Variants in ALS2 observed in about 807,000 individuals in gnomAD.
The protein encoded by ALS2 is alsin.
In ALS2, 117 loss-of-function variants were observed where a neutral mutation model predicts 203.4. The observed-to-expected ratio is 0.58, with a 90% CI of 0.50 to 0.67. The LOEUF (loss-of-function observed/expected upper bound fraction) is 0.67, where lower values mean the gene tolerates loss of function less well. Ranked by LOEUF, ALS2 falls within the 30% of genes least tolerant of loss-of-function variation. ALS2 has a pLI of 0.00. For synonymous variants in ALS2, 718 were observed against 725.9 expected (o/e 0.99, Z 0.17); for missense variants, 1,715 against 1,989.4 (o/e 0.86, Z 2.62).
At chr2:201,763,197 G>A in intron 3 of ALS2, 1 of 207,190 alleles carries the variant, frequency 4.8e-6, no homozygotes, top group Non-Finnish European at 9.6e-6. Flanking sequence ...GTGCACAGAG[G>A]CTACTGGGGG....
chr2:201,758,446 A>G (rs1390275942), intron 4 of ALS2, among the ~76,000 whole-genome samples: 1 of 152,196 alleles, frequency 6.6e-6, no homozygotes, highest in Non-Finnish European at 1.5e-5. Context: ...CAAATGTGGT[A>G]GGTTAATAAT....
rs955753684 is a variant in ALS2, at chr2:201,724,375, C to T, written c.3432G>A (p.Thr1144=). The part of the protein sequence containing the change: ...GHGLLRSGKL[T]SSSPSMFIGQ... Reference sequence around the variant, plus strand: ...CAATGAACATACTAGGAGAAGAGGACGTCAATTTCCCACTTCGTAGAAGAC... The same window carrying T: ...CAATGAACATACTAGGAGAAGAGGATGTCAATTTCCCACTTCGTAGAAGAC... Residue 1144 remains threonine (T), a synonymous_variant, in exon 21 of 34, where the codon ACG becomes ACA. Coordinates refer to ENST00000264276, the MANE Select transcript of ALS2 (RefSeq NM_020919.4). 22 of 1,613,494 alleles carry T rather than the reference C, an allele frequency of 1.4e-5. No individual in the cohort carries two copies. The highest frequency in any genetic ancestry group is 1.3e-4 in the Admixed American group (8 of 59,994).
At chr2:201,752,484 T>C (rs1352396489) in intron 7 of ALS2, among the ~76,000 whole-genome samples, 3 of 152,112 alleles carry the variant, frequency 2.0e-5, no homozygotes, top group African/African-American at 7.2e-5. Context: ...TTTCCTAATA[T>C]TAATATTTAT....
At position 201,760,904 on chromosome 2, in the gene ALS2, C is replaced by T; in HGVS notation, c.1090G>A (p.Gly364Ser). The T allele has an allele frequency of 6.2e-7, 1 of 1,613,720 alleles. No individual in the cohort carries two copies. The highest frequency in any genetic ancestry group is 8.5e-7 in the Non-Finnish European group (1 of 1,179,684). The change falls in exon 4 of 34, where the codon GGT becomes AGT. Residue 364 changes from glycine to serine, a missense_variant. Transcript: ENST00000264276. ...DHSVREDSEH[G>S]EKPVPSQPLL... Reference sequence around the variant, plus strand: ...ACCTGAGATGGCACTGGCTTTTCACCATGCTCTGAGTCCTCTCTTACTGAA... The same window carrying T: ...ACCTGAGATGGCACTGGCTTTTCACTATGCTCTGAGTCCTCTCTTACTGAA...
At chr2:201,739,995 T>C (rs1053563518) in intron 11 of ALS2, among the ~76,000 whole-genome samples, 1 of 152,160 alleles carries the variant, frequency 6.6e-6, no homozygotes, top group Non-Finnish European at 1.5e-5. Context: ...ATGGTTATAA[T>C]GGTTAATTTT....
chr2:201,771,165 G>C (rs1694361708), intron 1 of ALS2, among the ~76,000 whole-genome samples: 1 of 150,226 alleles, frequency 6.7e-6, no homozygotes, highest in East Asian at 2.0e-4. Context: ...TCCTGCCTCA[G>C]CCTCCCGAGT....
Position 201,733,336 on chromosome 2 carries a change from T to G in ALS2, c.2520A>C (p.Pro840=), listed in dbSNP as rs201159691. Residue 840 remains proline (P), a synonymous_variant, in exon 13 of 34, where the codon CCA becomes CCC. Transcript: ENST00000264276. The stretch of plus-strand genomic sequence containing the variant: ...TTGCGTAATTATGAAGTCGTCTGAT[T>G]GGCAAGAAAAACAAAGTATTCAGTA... ...MEILNTLFFL[P]IRRLHNYAKV... 114 of 1,613,930 alleles carry G rather than the reference T, an allele frequency of 7.1e-5. No individual in the cohort carries two copies. The African/African-American group carries it at 1.2e-3, about 18-fold the overall frequency.
chr2:201,741,640 A>C, intron 11 of ALS2, 34 bp downstream of exon 11: 196 of 1,566,086 alleles, frequency 1.3e-4, no homozygotes, highest in Non-Finnish European at 1.5e-4. Context: ...ATAACCCTGC[A>C]GAGATTGAAC....
Position 201,724,895 on chromosome 2 carries a change from C to T in ALS2, c.3348-436G>A, listed in dbSNP as rs1004319671. Among the ~76,000 whole-genome samples, 5 of 152,050 alleles carry T rather than the reference C, an allele frequency of 3.3e-5. No individual in the cohort carries two copies. In the South Asian group the frequency reaches 1.0e-3, roughly 32 times the overall value. Reference sequence around the variant, plus strand: ...TTGGGAGGCCGAGGCGGGTGGATCACGAGGTCAGGAGATCGAGACCATCCT... The same window carrying T: ...TTGGGAGGCCGAGGCGGGTGGATCATGAGGTCAGGAGATCGAGACCATCCT... On this transcript the variant is annotated intron_variant, in intron 20 of 33. Transcript: ENST00000264276.
At chr2:201,769,542 T>A (rs1694276360) in intron 1 of ALS2, among the ~76,000 whole-genome samples, 1 of 152,230 alleles carries the variant, frequency 6.6e-6, no homozygotes, top group Non-Finnish European at 1.5e-5. Flanking sequence ...GAAAGAAGTC[T>A]GAATTTTAAA....
intron 1 of ALS2, among the ~76,000 whole-genome samples, chr2:201,770,227 GAAT>G (rs895814827): frequency 6.6e-6 from 1 of 152,116 alleles, no homozygotes; most frequent in African/African-American, 2.4e-5. Flanking sequence ...GGAAGCCAGA[GAAT>G]TATTCTACGA....
At chr2:201,772,109 C>T (rs1158390075) in intron 1 of ALS2, among the ~76,000 whole-genome samples, 1 of 152,204 alleles carries the variant, frequency 6.6e-6, no homozygotes, top group African/African-American at 2.4e-5. Context: ...TGTAAAGTAA[C>T]AAAACCCCAG....
intron 13 of ALS2, among the ~76,000 whole-genome samples, chr2:201,729,907 CTT>C (rs35846496): frequency 7.3e-6 from 1 of 137,438 alleles, no homozygotes. Flanking sequence ...AAAAAAACAA[CTT>C]TTTTTGTGAG....
intron 25 of ALS2, 44 bp downstream of exon 25, chr2:201,715,628 C>G (rs2105981557): frequency 6.2e-7 from 1 of 1,608,078 alleles, no homozygotes; most frequent in South Asian, 1.1e-5. Flanking sequence ...TAAGTTTCAT[C>G]TTCCTAACAT....
chr2:201,707,215 T>C (rs1349484894), intron 28 of ALS2, among the ~76,000 whole-genome samples, 193 bp from the exon 29 acceptor site: 1 of 152,230 alleles, frequency 6.6e-6, no homozygotes, highest in African/African-American at 2.4e-5. Flanking sequence ...TAGAGGAAAC[T>C]GTGAATTCTT....
chr2:201,749,714 T>C lies in ALS2; in HGVS notation c.1813A>G (p.Lys605Glu), dbSNP rs1010028451. 2 of 1,613,386 alleles carry C rather than the reference T, an allele frequency of 1.2e-6. No individual in the cohort carries two copies. The highest frequency in any genetic ancestry group is 1.7e-6 in the Non-Finnish European group (2 of 1,179,376). ...DFPTTVPRLA[K>E]ISSENGVWSI... ...TGCTATCAAGTTCACAAAAGTACCT[T>C]TGCAAGACGAGGAACTGTTGTTGGA... The change falls in exon 8 of 34, where the codon AAG (lysine) becomes GAG (glutamate). Residue 605 changes from lysine to glutamate, a missense_variant and splice_region_variant. By Grantham distance (56) the Lys-to-Glu change is moderately conservative. This residue lies in a region of ALS2 where 1,227 missense variants were observed against 1,413.5 expected (regional missense o/e 0.87). Coordinates refer to ENST00000264276, the MANE Select transcript of ALS2 (RefSeq NM_020919.4).
rs752914857 is a variant in ALS2, at chr2:201,708,838, G to A, written c.4281-847C>T. ...ATATGCAGTCTTCTCTATTTTTGTAGACTTACATCTTGCACCTCCATCTGC... is the reference window on the plus strand; with the variant it reads ...ATATGCAGTCTTCTCTATTTTTGTAAACTTACATCTTGCACCTCCATCTGC... On this transcript the variant is annotated intron_variant, in intron 27 of 33. Transcript: ENST00000264276. Among the ~76,000 whole-genome samples, 115 of 151,250 alleles carry A rather than the reference G, an allele frequency of 7.6e-4. 1 individual carries two copies. Among genetic ancestry groups the A allele is most frequent in the Non-Finnish European group, 1.9e-4 (13 of 67,922 alleles).
rs1559079541 is a variant in ALS2 at position 201,757,632 on chromosome 2, C to T, written c.1241G>A (p.Gly414Asp). ...CATAACTTTCTTCAGTGACAAGGCACCAGCTTCATAAGTAGCAGCCACTCT... is the reference window on the plus strand; with the variant it reads ...CATAACTTTCTTCAGTGACAAGGCATCAGCTTCATAAGTAGCAGCCACTCT... Reference protein sequence around the residue: ...GVRVAATYEAGALSLKKVMNF... With the variant: ...GVRVAATYEADALSLKKVMNF... The change falls in exon 5 of 34, where the codon GGT becomes GAT. Residue 414 changes from glycine to aspartate, a missense_variant. This residue lies in a region of ALS2 where 476 missense variants were observed against 539.3 expected (regional missense o/e 0.88). Transcript: ENST00000264276. The T allele has an allele frequency of 5.6e-6, 9 of 1,614,136 alleles. No homozygotes were observed. The highest frequency in any genetic ancestry group is 7.6e-6 in the Non-Finnish European group (9 of 1,180,004).
At chr2:201,772,755 G>A (rs1256756347) in intron 1 of ALS2, among the ~76,000 whole-genome samples, 2 of 150,956 alleles carry the variant, frequency 1.3e-5, no homozygotes, top group South Asian at 2.1e-4. Context: ...ACTTAACTTG[G>A]TTTCTTTTAT....
Sources: gnomAD v4.1 joint callset for allele counts (sites outside exome capture counted in the v4.1 genomes callset) on GRCh38, gnomAD v4.1.1 for gene constraint, gnomAD v4.1.1 regional missense constraint, MANE v1.5 for transcripts, NCBI Gene and HGNC (gene_info 2026-07-23, HGNC 2026-07-21) for gene names.